DTNB: variants seen among roughly 807,000 people sequenced by gnomAD.
The protein encoded by DTNB is DTN-B.
A neutral mutation model predicts 90.7 loss-of-function variants in DTNB; 63 were observed. The ratio of observed to expected loss-of-function variants is 0.69; its 90% CI spans 0.57 to 0.86. The LOEUF (loss-of-function observed/expected upper bound fraction) is 0.86. Ranked by LOEUF, DTNB falls within the 40% of genes least tolerant of loss-of-function variation. DTNB has a pLI of 0.00. For synonymous variants in DTNB, 277 were observed against 286.7 expected (o/e 0.97, Z 0.34); for missense variants, 744 against 807.1 (o/e 0.92, Z 0.95).
rs142972951 is a variant in DTNB at position 25,566,170 on chromosome 2, G to A, written c.876+10668C>T. 1.5e-4 allele frequency among the ~76,000 whole-genome samples: 23 copies of A among 152,310 alleles called. No individual in the cohort carries two copies. In the South Asian group the frequency reaches 2.1e-3, roughly 14 times the overall value. On this transcript the variant is annotated intron_variant, in intron 8 of 20. Coordinates refer to ENST00000406818, the MANE Select transcript of DTNB (RefSeq NM_021907.5). ...CTGGCCGAGAAGAAAGCAAATGTTC[G>A]TGTTGCAAACTGCCTATGGGGGGCC...
intron 8 of DTNB, among the ~76,000 whole-genome samples, chr2:25,564,680 A>T (rs1321264423): frequency 3.3e-5 from 5 of 151,796 alleles, no homozygotes; most frequent in Non-Finnish European, 5.9e-5. Context: ...GAGCCACCAC[A>T]CTCGGCCTAT....
chr2:25,396,136 G>C (rs2042299344), intron 16 of DTNB, among the ~76,000 whole-genome samples: 1 of 152,198 alleles, frequency 6.6e-6, no homozygotes, highest in Admixed American at 6.5e-5. Flanking sequence ...GATGGAACTG[G>C]AGACCATTAT....
chr2:25,611,812 T>C (rs938947175), intron 4 of DTNB, among the ~76,000 whole-genome samples: 2 of 151,848 alleles, frequency 1.3e-5, no homozygotes, highest in East Asian at 1.9e-4. Context: ...CATCTCTAAA[T>C]AGAAAAATAA....
intron 10 of DTNB, among the ~76,000 whole-genome samples, chr2:25,459,432 A>G (rs1344553955): frequency 1.3e-5 from 2 of 152,092 alleles, no homozygotes; most frequent in African/African-American, 2.4e-5. Context: ...GTAGGCCATT[A>G]TAAGTATTTT....
At chr2:25,602,765 T>G (rs1049104432) in intron 5 of DTNB, among the ~76,000 whole-genome samples, 1 of 152,182 alleles carries the variant, frequency 6.6e-6, no homozygotes, top group Non-Finnish European at 1.5e-5. Context: ...GAAAAACCCC[T>G]GTTATTATTT....
At chr2:25,411,840 C>T (rs947614397) in intron 16 of DTNB, among the ~76,000 whole-genome samples, 2 of 152,064 alleles carry the variant, frequency 1.3e-5, no homozygotes, top group Admixed American at 6.6e-5. Context: ...AGTAAAACAC[C>T]GCTAAATAAA....
At chr2:25,552,328 A>T (rs917260929) in intron 8 of DTNB, among the ~76,000 whole-genome samples, 1 of 152,194 alleles carries the variant, frequency 6.6e-6, no homozygotes, top group Non-Finnish European at 1.5e-5. Context: ...GAAAAGCTTT[A>T]TAGCTAGTCT....
chr2:25,420,546 G>A (rs1363699436), intron 15 of DTNB, among the ~76,000 whole-genome samples: 4 of 150,506 alleles, frequency 2.7e-5, no homozygotes, highest in East Asian at 2.0e-4. Flanking sequence ...ACAGAGTTTC[G>A]CTCTTGTTGC....
chr2:25,625,005 A>C (rs1273992021), intron 4 of DTNB, among the ~76,000 whole-genome samples: 2 of 152,242 alleles, frequency 1.3e-5, no homozygotes, highest in Admixed American at 6.5e-5. Context: ...ATTAGGTCTT[A>C]AGAAAATACT....
chr2:25,545,910 C>T (rs2082316397), intron 8 of DTNB, among the ~76,000 whole-genome samples: 1 of 152,216 alleles, frequency 6.6e-6, no homozygotes, highest in Non-Finnish European at 1.5e-5. Flanking sequence ...GCATGAGCCA[C>T]CGTGCCCGGC....
At chr2:25,415,572 G>C (rs1298371836) in intron 16 of DTNB, among the ~76,000 whole-genome samples, 1 of 152,140 alleles carries the variant, frequency 6.6e-6, no homozygotes, top group East Asian at 1.9e-4. Context: ...ATGGGGACTG[G>C]TTGCCAGAAA....
At chr2:25,658,008 G>C (rs770504227) in intron 1 of DTNB, among the ~76,000 whole-genome samples, 1 of 152,066 alleles carries the variant, frequency 6.6e-6, no homozygotes, top group Non-Finnish European at 1.5e-5. Flanking sequence ...CGTAATCCCA[G>C]CACTTTGGGA....
chr2:25,504,223 G>A (rs892835624), intron 9 of DTNB, among the ~76,000 whole-genome samples: 8 of 151,788 alleles, frequency 5.3e-5, no homozygotes, highest in African/African-American at 1.9e-4. Flanking sequence ...AGCCAAGATC[G>A]CACCACTACA....
At chr2:25,487,311 A>G (rs1250237677) in intron 9 of DTNB, among the ~76,000 whole-genome samples, 1 of 152,228 alleles carries the variant, frequency 6.6e-6, no homozygotes, top group African/African-American at 2.4e-5. Context: ...ACAAAGTTCC[A>G]AAAAGTAAAA....
At chr2:25,578,300 C>T (rs184891012) in intron 7 of DTNB, among the ~76,000 whole-genome samples, 26 of 152,236 alleles carry the variant, frequency 1.7e-4, no homozygotes, top group Admixed American at 1.6e-3. Flanking sequence ...TTTTTGCCAT[C>T]AAGGTATTTC....
In DTNB at chr2:25,387,430, G is replaced by A; in HGVS notation, c.1736-52C>T. The A allele has an allele frequency of 6.4e-7, 1 of 1,553,670 alleles. No homozygotes were observed. The highest frequency in any genetic ancestry group is 8.8e-7 in the Non-Finnish European group (1 of 1,130,834). On this transcript the variant is annotated intron_variant, in intron 17 of 20. Coordinates refer to ENST00000406818, the MANE Select transcript of DTNB (RefSeq NM_021907.5). This position sits in a 1 kb window ranked among gnomAD's most constrained non-coding sequence, Gnocchi z 4.5. ...TGCCAGGGTGGGTGAGCGTGGAGAAGAGACGGCTGAGCAAATGCCTCAGTT... is the reference window on the plus strand; with the variant it reads ...TGCCAGGGTGGGTGAGCGTGGAGAAAAGACGGCTGAGCAAATGCCTCAGTT...
chr2:25,616,579 G>A (rs991454141), intron 4 of DTNB, among the ~76,000 whole-genome samples: 1 of 137,694 alleles, frequency 7.3e-6, no homozygotes, highest in Non-Finnish European at 1.5e-5. Context: ...GCTGGTCTCC[G>A]ATGAAAGAAT....
At chr2:25,653,406 G>T (rs1472213560) in intron 1 of DTNB, among the ~76,000 whole-genome samples, 1 of 142,690 alleles carries the variant, frequency 7.0e-6, no homozygotes, top group Non-Finnish European at 1.5e-5. Context: ...ATGTGGCACT[G>T]TAAGTCCAAT....
chr2:25,648,631 A>T (rs565886863), intron 2 of DTNB, among the ~76,000 whole-genome samples: 3 of 152,290 alleles, frequency 2.0e-5, no homozygotes, highest in Admixed American at 6.5e-5. Context: ...TTTATGCTAC[A>T]ATGGCAGAGT....
Sources: gnomAD v4.1 joint callset for allele counts (sites outside exome capture counted in the v4.1 genomes callset) on GRCh38, gnomAD v4.1.1 for gene constraint, Gnocchi (gnomAD v3.1) non-coding constraint, MANE v1.5 for transcripts, NCBI Gene and HGNC (gene_info 2026-07-23, HGNC 2026-07-21) for gene names.